TMEM132D: variants seen among roughly 807,000 people sequenced by gnomAD.
The protein encoded by TMEM132D is transmembrane protein 132D.
Under a neutral mutation model 62.3 loss-of-function variants are expected in TMEM132D, and 21 were observed. The ratio of observed to expected loss-of-function variants is 0.34; its 90% confidence interval spans 0.24 to 0.49. TMEM132D has a LOEUF of 0.49. Among genes scored for constraint, TMEM132D ranks in the 20% least tolerant of loss-of-function variants. The pLI is 0.99. For missense variants in TMEM132D, 1,346 were observed against 1,402.8 expected, an observed-to-expected ratio of 0.96 and a Z score of 0.65; for synonymous variants, 621 against 575.6, an observed-to-expected ratio of 1.08 and a Z score of -1.13.
chr12:129,902,423 GAGAA>G (rs1479892881), intron 1 of TMEM132D, among the ~76,000 whole-genome samples: 2 of 152,352 alleles, frequency 1.3e-5, no homozygotes, highest in African/African-American at 4.8e-5. Context: ...GGTCAATCAT[GAGAA>G]AGAATCTCCC....
At chr12:129,270,060 G>C (rs1056534818) in intron 4 of TMEM132D, among the ~76,000 whole-genome samples, 7 of 152,172 alleles carry the variant, frequency 4.6e-5, no homozygotes, top group African/African-American at 1.7e-4. Flanking sequence ...GGTCTCCTAG[G>C]AATCTGATAA....
intron 1 of TMEM132D, among the ~76,000 whole-genome samples, chr12:129,721,753 G>C (rs1176643749): frequency 1.3e-5 from 2 of 152,074 alleles, no homozygotes; most frequent in African/African-American, 2.4e-5. Context: ...CAGAGTCCTG[G>C]GGGTATCACC....
intron 2 of TMEM132D, among the ~76,000 whole-genome samples, chr12:129,580,023 G>A (rs1420091757): frequency 6.6e-6 from 1 of 152,118 alleles, no homozygotes; most frequent in Non-Finnish European, 1.5e-5. Context: ...TCATCACATT[G>A]ACCATCCAAA....
intron 4 of TMEM132D, among the ~76,000 whole-genome samples, chr12:129,235,017 C>T (rs779807829): frequency 2.0e-5 from 3 of 152,130 alleles, no homozygotes; most frequent in Non-Finnish European, 4.4e-5. Context: ...AGCTTTACTG[C>T]ATAACTTTAA....
At chr12:129,258,167 T>G (rs1322566331) in intron 4 of TMEM132D, among the ~76,000 whole-genome samples, 2 of 152,222 alleles carry the variant, frequency 1.3e-5, no homozygotes, top group Non-Finnish European at 2.9e-5. Context: ...TTAAATGCCC[T>G]GAACTTCATT....
chr12:129,724,871 A>G (rs899345390), intron 1 of TMEM132D, among the ~76,000 whole-genome samples: 30 of 152,196 alleles, frequency 2.0e-4, no homozygotes, highest in Non-Finnish European at 2.6e-4. Flanking sequence ...TACAGCGGCA[A>G]TAGGAAATTA....
chr12:129,647,873 GA>G (rs1879827844), intron 2 of TMEM132D, among the ~76,000 whole-genome samples: 1 of 152,068 alleles, frequency 6.6e-6, no homozygotes, highest in Non-Finnish European at 1.5e-5. Flanking sequence ...ATTATGATGG[GA>G]AAAAAGATCT....
At chr12:129,644,984 T>TTAA (rs1449677479) in intron 2 of TMEM132D, among the ~76,000 whole-genome samples, 2 of 63,404 alleles carry the variant, frequency 3.2e-5, no homozygotes, top group Non-Finnish European at 5.9e-5. Flanking sequence ...ATAGTCCATC[T>TTAA]AAAAAAAAAA....
chr12:129,129,856 G>A (rs1362332771), intron 5 of TMEM132D, among the ~76,000 whole-genome samples: 2 of 152,082 alleles, frequency 1.3e-5, no homozygotes, highest in African/African-American at 4.8e-5. Context: ...CAGGTCCTCA[G>A]CAGGATCAGG....
chr12:129,620,152 A>C (rs747445713), intron 2 of TMEM132D, among the ~76,000 whole-genome samples: 3 of 152,188 alleles, frequency 2.0e-5, no homozygotes, highest in Non-Finnish European at 4.4e-5. Context: ...GAAGCTGGCA[A>C]CTCAACTTGG....
intron 5 of TMEM132D, among the ~76,000 whole-genome samples, chr12:129,193,573 T>C (rs949933045): frequency 6.6e-6 from 1 of 152,212 alleles, no homozygotes; most frequent in Non-Finnish European, 1.5e-5. Flanking sequence ...TAAAATAACC[T>C]ATTAAACACA....
At chr12:129,160,880 TCCATTTA>T (rs1877381373) in intron 5 of TMEM132D, among the ~76,000 whole-genome samples, 1 of 152,138 alleles carries the variant, frequency 6.6e-6, no homozygotes, top group African/African-American at 2.4e-5. Flanking sequence ...TGACGATGAT[TCCATTTA>T]AAGAAATTTC....
chr12:129,783,817 G>A (rs1157477485), intron 1 of TMEM132D, among the ~76,000 whole-genome samples: 1 of 152,200 alleles, frequency 6.6e-6, no homozygotes, highest in African/African-American at 2.4e-5. Flanking sequence ...GCTGTAAGTT[G>A]TGTCCCCACA....
intron 4 of TMEM132D, among the ~76,000 whole-genome samples, chr12:129,250,946 T>A (rs1880247651): frequency 6.6e-6 from 1 of 152,230 alleles, no homozygotes. Flanking sequence ...TTGTGTATAA[T>A]CAAAATTCAT....
chr12:129,712,666 G>A (rs1261023620), intron 1 of TMEM132D, among the ~76,000 whole-genome samples: 2 of 152,150 alleles, frequency 1.3e-5, no homozygotes, highest in Non-Finnish European at 2.9e-5. Context: ...ATTCAAGCTT[G>A]AATTTGAAGA....
intron 1 of TMEM132D, among the ~76,000 whole-genome samples, chr12:129,896,114 C>T (rs981009249): frequency 1.3e-5 from 2 of 151,302 alleles, no homozygotes; most frequent in East Asian, 3.9e-4. Flanking sequence ...GGACAACAGG[C>T]ACACACCACT....
intron 3 of TMEM132D, among the ~76,000 whole-genome samples, chr12:129,474,088 C>T (rs904034031): frequency 2.0e-5 from 3 of 152,184 alleles, no homozygotes; most frequent in African/African-American, 4.8e-5. Flanking sequence ...AACCCTTCGC[C>T]TCCGAATAGT....
At chr12:129,720,654 C>T (rs1484895889) in intron 1 of TMEM132D, among the ~76,000 whole-genome samples, 6 of 152,078 alleles carry the variant, frequency 3.9e-5, no homozygotes, top group African/African-American at 7.2e-5. Flanking sequence ...GATGTACCTC[C>T]TACATTAGAC....
intron 5 of TMEM132D, among the ~76,000 whole-genome samples, chr12:129,180,240 C>A (rs1878027912): frequency 7.2e-6 from 1 of 138,634 alleles, no homozygotes; most frequent in South Asian, 2.3e-4. Context: ...GAGGAGGAAG[C>A]AGTCTGCACT....
Sources: gnomAD v4.1 joint callset for allele counts (sites outside exome capture counted in the v4.1 genomes callset) on GRCh38, gnomAD v4.1.1 for gene constraint, MANE v1.5 for transcripts, NCBI Gene and HGNC (gene_info 2026-07-23, HGNC 2026-07-21) for gene names.